TSPEAR: variants seen among roughly 807,000 people sequenced by gnomAD.
The protein encoded by TSPEAR is thrombospondin type laminin G domain and EAR repeats.
Under a neutral mutation model 71.6 loss-of-function variants are expected in TSPEAR, and 69 were observed. The ratio of observed to expected loss-of-function variants is 0.96; its 90% CI spans 0.79 to 1.18. The LOEUF is 1.18. Among genes scored for constraint, TSPEAR ranks in the 50% most tolerant of loss-of-function variants. The pLI, the probability that TSPEAR is intolerant of heterozygous loss-of-function variation, is 0.00. For synonymous variants in TSPEAR, 402 were observed against 387.2 expected (o/e 1.04, Z -0.45); for missense variants, 971 against 894.9 (o/e 1.09, Z -1.09).
intron 1 of TSPEAR, among the ~76,000 whole-genome samples, chr21:44,605,028 C>T (rs1017454695): frequency 3.9e-5 from 6 of 152,128 alleles, no homozygotes; most frequent in African/African-American, 1.2e-4. Context: ...TCGTCAAGGA[C>T]GTTGGCCTGT....
At chr21:44,524,962 TTGAGGCAGTCAGTCAGTCAGTCAGTCAG>T (rs1311032685) in intron 8 of TSPEAR, among the ~76,000 whole-genome samples, 8 of 147,014 alleles carry the variant, frequency 5.4e-5, no homozygotes, top group Admixed American at 2.7e-4. Context: ...CAGTCACTCT[TTGAGGCAGTCAGTCAGTCAGTCAGTCAG>T]TGAGGCAGTC....
At chr21:44,545,226 G>A (rs781829477) in intron 2 of TSPEAR, among the ~76,000 whole-genome samples, 21 of 151,976 alleles carry the variant, frequency 1.4e-4, no homozygotes, top group Admixed American at 3.9e-4. Flanking sequence ...GCTGAGGCAG[G>A]AGAATGGCGT....
chr21:44,564,859 G>A (rs2053682889), intron 2 of TSPEAR, among the ~76,000 whole-genome samples: 3 of 152,146 alleles, frequency 2.0e-5, no homozygotes, highest in Admixed American at 6.5e-5. Context: ...ATGCAGTATC[G>A]TCTAGCATAG....
intron 2 of TSPEAR, chr21:44,539,503 G>A (rs233318): frequency 0.65 from 1,046,538 of 1,613,240 alleles, 341,181 homozygotes; most frequent in African/African-American, 0.71. Context: ...AAGCCGGCTG[G>A]CAGCTAGACT....
At chr21:44,595,612 T>C (rs1555927522) in intron 1 of TSPEAR, among the ~76,000 whole-genome samples, 1 of 152,216 alleles carries the variant, frequency 6.6e-6, no homozygotes, top group East Asian at 1.9e-4. Context: ...AGCACTGCAC[T>C]GGGGCACTTT....
intron 1 of TSPEAR, among the ~76,000 whole-genome samples, chr21:44,621,506 G>A (rs2146192668): frequency 6.6e-6 from 1 of 152,232 alleles, no homozygotes; most frequent in South Asian, 2.1e-4. Flanking sequence ...CTCCTTTCCT[G>A]GCCTATGGCT....
At chr21:44,504,951 G>T in intron 10 of TSPEAR, 70 bp from the exon 11 acceptor site, 3 of 1,274,454 alleles carry the variant, frequency 2.4e-6, no homozygotes, top group Non-Finnish European at 3.4e-6. Context: ...TTGGCCAGAA[G>T]CTACCTCCAA....
At chr21:44,698,582 A>G (rs1482417496) in intron 1 of TSPEAR, among the ~76,000 whole-genome samples, 5 of 152,124 alleles carry the variant, frequency 3.3e-5, no homozygotes, top group African/African-American at 9.7e-5. Context: ...ACCGCCCCAC[A>G]TTTCCCCGCC....
chr21:44,521,264 G>C (rs919645190), intron 9 of TSPEAR, among the ~76,000 whole-genome samples: 2 of 152,208 alleles, frequency 1.3e-5, no homozygotes, highest in Non-Finnish European at 2.9e-5. Flanking sequence ...CTCGTACTCC[G>C]CACCTCTGCT....
chr21:44,540,208 G>A lies in TSPEAR; in HGVS notation c.304-6285C>T, dbSNP rs797039257. 3.2e-6 allele frequency: 5 copies of A among 1,582,514 alleles called. No individual in the cohort carries two copies. In the African/African-American group the frequency reaches 6.7e-5, roughly 21 times the overall value. On this transcript the variant is annotated intron_variant, in intron 2 of 11. Coordinates refer to ENST00000323084, the MANE Select transcript of TSPEAR (RefSeq NM_144991.3). ...TGTGAGTGAGTGAGTGTGGGAGTCA[G>A]TGTGTGTGTGAGTGACTGAGTGTGT...
chr21:44,702,171 A>G (rs945390594), intron 1 of TSPEAR: 16 of 1,448,594 alleles, frequency 1.1e-5, no homozygotes, highest in Non-Finnish European at 1.5e-5. Flanking sequence ...AGCAGAGACC[A>G]CCATCCACCC....
intron 1 of TSPEAR, among the ~76,000 whole-genome samples, chr21:44,700,822 G>T (rs557228344): frequency 6.6e-6 from 1 of 152,192 alleles, no homozygotes; most frequent in African/African-American, 2.4e-5. Context: ...GGAAGCCTTC[G>T]TGACCTGTTT....
intron 1 of TSPEAR, chr21:44,601,330 G>A (rs200978985): frequency 7.4e-5 from 120 of 1,613,086 alleles, no homozygotes; most frequent in Middle Eastern, 3.3e-4. Context: ...CTGCAAGCCC[G>A]TCTGCTGTGT....
At position 44,653,398 on chromosome 21, in the gene TSPEAR, G is replaced by GC. The variant is rs145671714; in HGVS notation, c.82+58034dup. ...CCGGGGCGGAGCCTCTGACAGGGCTGCCCCCGGGCTGGTGTGAGCTGAAAC... is the reference window on the plus strand; with the variant it reads ...CCGGGGCGGAGCCTCTGACAGGGCTGCCCCCCGGGCTGGTGTGAGCTGAAAC... On this transcript the variant is annotated intron_variant, in intron 1 of 11. Transcript: ENST00000323084. Among the ~76,000 whole-genome samples the GC allele has an allele frequency of 5.8e-3, 878 of 152,224 alleles. 5 individuals carry two copies. Among genetic ancestry groups the GC allele is most frequent in the African/African-American group, 0.02 (830 of 41,538 alleles).
intron 1 of TSPEAR, among the ~76,000 whole-genome samples, chr21:44,700,533 G>T (rs1326725796): frequency 1.3e-5 from 2 of 152,222 alleles, no homozygotes; most frequent in African/African-American, 2.4e-5. Context: ...GGCCCCGGGG[G>T]TGCCGCATGA....
intron 1 of TSPEAR, among the ~76,000 whole-genome samples, chr21:44,631,402 T>C (rs992283328): frequency 9.2e-5 from 14 of 152,026 alleles, no homozygotes; most frequent in African/African-American, 3.1e-4. Flanking sequence ...TCAAGTGAAA[T>C]ACTCCAGTCT....
At chr21:44,668,730 ACT>A (rs1304107540) in intron 1 of TSPEAR, among the ~76,000 whole-genome samples, 1 of 152,172 alleles carries the variant, frequency 6.6e-6, no homozygotes, top group Admixed American at 6.5e-5. Context: ...CCAGAAATAA[ACT>A]CTCACAACTA....
rs782391443 is a variant in TSPEAR, at chr21:44,559,971, T to TAC, written c.303+7812_303+7813dup. ...ATGGCTAAGGGCTCTGTTGGAGGAC[T>TAC]ACCTGGCAAAGTCAGACTACAGTGG... On this transcript the variant is annotated intron_variant, in intron 2 of 11. Coordinates refer to ENST00000323084, the MANE Select transcript of TSPEAR (RefSeq NM_144991.3). Among the ~76,000 whole-genome samples the TAC allele has an allele frequency of 6.6e-5, 10 of 152,262 alleles. No individual in the cohort carries two copies. The East Asian group carries it at 1.7e-3, about 26-fold the overall frequency.
chr21:44,682,909 C>T (rs756902250), intron 1 of TSPEAR, among the ~76,000 whole-genome samples: 197 of 152,230 alleles, frequency 1.3e-3, no homozygotes, highest in Non-Finnish European at 2.4e-3. Context: ...GAGCAGGCCC[C>T]ACACTGTGGA....
Sources: allele counts gnomAD v4.1 joint callset (sites outside exome capture counted in the v4.1 genomes callset), GRCh38; gene constraint gnomAD v4.1.1; transcripts MANE v1.5; gene names NCBI Gene and HGNC (gene_info 2026-07-23, HGNC 2026-07-21).